CNPY2: variants seen among roughly 807,000 people sequenced by gnomAD.
The protein encoded by CNPY2 is canopy FGF signaling regulator 2, also known as protein canopy homolog 2.
CNPY2 carries 19 observed loss-of-function variants against 25.5 expected under a neutral mutation model. The observed-to-expected ratio is 0.74, with a 90% CI of 0.52 to 1.09. The LOEUF is 1.09. Ranked by LOEUF, CNPY2 falls within the 50% of genes least tolerant of loss-of-function variation. The probability of loss-of-function intolerance (pLI) is 0.00; values close to 1 mark genes in which losing one functional copy is unlikely to be tolerated. For missense variants in CNPY2, 214 were observed against 233.6 expected (o/e 0.92, Z 0.55); for synonymous variants, 82 against 85.0 (o/e 0.96, Z 0.19).
intron 3 of CNPY2, chr12:56,314,489 C>T (rs1873821828): frequency 3.5e-6 from 4 of 1,128,094 alleles, no homozygotes; most frequent in South Asian, 2.3e-5. Flanking sequence ...AGGATAAGAC[C>T]TTTTATTCTT....
chr12:56,314,493 T>C, intron 3 of CNPY2: 1 of 1,139,332 alleles, frequency 8.8e-7, no homozygotes, highest in African/African-American at 1.6e-5. Flanking sequence ...TAAGACCTTT[T>C]ATTCTTATTT....
At chr12:56,314,521 A>G in intron 3 of CNPY2, 1 of 1,162,438 alleles carries the variant, frequency 8.6e-7, no homozygotes, top group East Asian at 5.2e-5. Context: ...TTCATTTTTT[A>G]TTTTTAGCTC....
At position 56,310,465 on chromosome 12, in the gene CNPY2, A is replaced by T; in HGVS notation, c.*87T>A. ...GTTTCATATTTTTTCAGTTAATTTC[A>T]GTAAAAACATAATATATAAAAGGCA... On this transcript the variant is annotated 3_prime_UTR_variant, in exon 6 of 6. Transcript: ENST00000273308. The T allele has an allele frequency of 7.5e-7, 1 of 1,335,016 alleles. No homozygotes were observed. Among genetic ancestry groups the T allele is most frequent in the Non-Finnish European group, 1.1e-6 (1 of 933,640 alleles). The allele number at this position is 1,335,016 out of a possible 1,614,324, so 82.7% of individuals were successfully genotyped here. A position where few individuals can be genotyped will look rare whatever the true frequency, so the allele number is the denominator to read the frequency against.
In CNPY2 at chr12:56,311,347, T is replaced by A. The variant is rs1028399502; in HGVS notation, c.272A>T (p.Glu91Val). ...GGAAGGATCAATCTGTTCCCCATAC[T>A]CCTTCATCCGGTCACATATCTCCTC... Reference protein sequence around the residue: ...LLEEICDRMKEYGEQIDPSTH... With the variant: ...LLEEICDRMKVYGEQIDPSTH... Residue 91 changes from glutamate to valine, a missense_variant, in exon 4 of 6, where the codon GAG (glutamate) becomes GTG (valine). Glu to Val is a moderately radical substitution (Grantham distance 121). Coordinates refer to ENST00000273308, the MANE Select transcript of CNPY2 (RefSeq NM_014255.7). 3 of 1,614,048 alleles carry A rather than the reference T, an allele frequency of 1.9e-6. No individual in the cohort carries two copies. The African/African-American group carries it at 4.0e-5, about 22-fold the overall frequency.
At chr12:56,312,279 GAGTGC>G (rs1873744828) in intron 3 of CNPY2, 1 of 145,680 alleles carries the variant, frequency 6.9e-6, no homozygotes, top group Non-Finnish European at 1.5e-5. Context: ...GCCCAGGCTG[GAGTGC>G]AGTGGTGTGA....
chr12:56,314,708 A>T, intron 3 of CNPY2, 143 bp downstream of exon 3: 1 of 1,513,482 alleles, frequency 6.6e-7, no homozygotes, highest in Non-Finnish European at 8.8e-7. Flanking sequence ...ATAAGCCTGC[A>T]GCTTCTTCCA....
Position 56,315,224 on chromosome 12 carries a change from C to T in CNPY2, c.-7G>A. 1 of 1,611,890 alleles carries T rather than the reference C, an allele frequency of 6.2e-7. No homozygotes were observed. On this transcript the variant is annotated 5_prime_UTR_variant, in exon 2 of 6. Coordinates refer to ENST00000273308, the MANE Select transcript of CNPY2 (RefSeq NM_014255.7). ...GCCAACCCCAGCCTTTCATCTTTAG[C>T]GTAATGGGGTCGCTCCACCTGGGTT...
At chr12:56,315,292 TTCCCTGAC>T in intron 1 of CNPY2, 50 bp from the exon 2 acceptor site, 3 of 1,123,306 alleles carry the variant, frequency 2.7e-6, no homozygotes, top group Non-Finnish European at 3.9e-6. Context: ...GACTCCATTT[TTCCCTGAC>T]CCCCCCAATC....
Position 56,310,085 on chromosome 12 carries a change from G to C in CNPY2, c.*467C>G, listed in dbSNP as rs1461873037. On this transcript the variant is annotated 3_prime_UTR_variant, in exon 6 of 6. Coordinates refer to ENST00000273308, the MANE Select transcript of CNPY2 (RefSeq NM_014255.7). ...TATCCGTTATTTCCTTCAAGACCAA[G>C]CCCTGTCTTACTTTATGTTTCAACA... 2 of 669,610 alleles carry C rather than the reference G, an allele frequency of 3.0e-6. No individual in the cohort carries two copies. The highest frequency in any genetic ancestry group is 2.7e-5 in the East Asian group (1 of 37,160). The allele number at this position is 669,610 out of a possible 1,614,324, so 41.5% of individuals were successfully genotyped here.
rs1873678111 is a variant in CNPY2 at position 56,310,204 on chromosome 12, C to T, written c.*348G>A. On this transcript the variant is annotated 3_prime_UTR_variant, in exon 6 of 6. Coordinates refer to ENST00000273308, the MANE Select transcript of CNPY2 (RefSeq NM_014255.7). The stretch of plus-strand genomic sequence containing the variant: ...GGTTCCTCTATTCTCCACAATTAGA[C>T]TCTAAAGACGTGGTATTGAGTGGGC... 1 of 603,390 alleles carries T rather than the reference C, an allele frequency of 1.7e-6. No homozygotes were observed. Among genetic ancestry groups the T allele is most frequent in the Admixed American group, 3.0e-5 (1 of 33,638 alleles). 37.4% of individuals were successfully genotyped at this position (603,390 alleles called of 1,614,324 possible).
At position 56,313,768 on chromosome 12, in the gene CNPY2, G is replaced by A. The variant is rs533573580; in HGVS notation, c.204+1083C>T. 2.2e-3 allele frequency among the ~76,000 whole-genome samples: 339 copies of A among 151,346 alleles called. 2 individuals carry two copies. The highest frequency in any genetic ancestry group is 3.8e-3 in the Admixed American group (58 of 15,192). ...ACTACAGGCACCCACCACCACGCCC[G>A]GCTAATTTTTTGTATTTTTAGTAGA... On this transcript the variant is annotated intron_variant, in intron 3 of 5. Coordinates refer to ENST00000273308, the MANE Select transcript of CNPY2 (RefSeq NM_014255.7).
In CNPY2 at chr12:56,310,064, C is replaced by G. The variant is rs774247598; in HGVS notation, c.*488G>C. On this transcript the variant is annotated 3_prime_UTR_variant, in exon 6 of 6. Coordinates refer to ENST00000273308, the MANE Select transcript of CNPY2 (RefSeq NM_014255.7). Reference sequence around the variant, plus strand: ...CAGGGAAGGAAGAATAATGCATATCCGTTATTTCCTTCAAGACCAAGCCCT... The same window carrying G: ...CAGGGAAGGAAGAATAATGCATATCGGTTATTTCCTTCAAGACCAAGCCCT... 1 of 688,490 alleles carries G rather than the reference C, an allele frequency of 1.5e-6. No homozygotes were observed. Among genetic ancestry groups the G allele is most frequent in the South Asian group, 1.5e-5 (1 of 65,044 alleles). The allele number at this position is 688,490 out of a possible 1,614,324, so 42.6% of individuals were successfully genotyped here.
upstream of CNPY2, chr12:56,316,129 C>CAAGGACCCCGGTCAATCGCCG (rs911542950): frequency 2.6e-5 from 4 of 152,740 alleles, no homozygotes; most frequent in African/African-American, 9.6e-5. Context: ...TCCCGAACAG[C>CAAGGACCCCGGTCAATCGCCG]AAGGACCCCG....
Position 56,314,748 on chromosome 12 carries a change from G to A in CNPY2, c.204+103C>T, listed in dbSNP as rs534073722. 7 of 1,574,694 alleles carry A rather than the reference G, an allele frequency of 4.4e-6. No individual in the cohort carries two copies. In the East Asian group the frequency reaches 1.6e-4, roughly 36 times the overall value. On this transcript the variant is annotated intron_variant, in intron 3 of 5. Transcript: ENST00000273308. ...AGACAGAGCCAAATCTTTTTTCTGAGTCTGTTTTCTTCATTTCTATTAAAC... is the reference window on the plus strand; with the variant it reads ...AGACAGAGCCAAATCTTTTTTCTGAATCTGTTTTCTTCATTTCTATTAAAC...
rs578111963 is a variant in CNPY2, at chr12:56,310,651, G to T, written c.506-56C>A. 1.9e-6 allele frequency: 3 copies of T among 1,590,982 alleles called. No homozygotes were observed. The East Asian group carries it at 6.7e-5, about 36-fold the overall frequency. On this transcript the variant is annotated intron_variant, in intron 5 of 5. Coordinates refer to ENST00000273308, the MANE Select transcript of CNPY2 (RefSeq NM_014255.7). The stretch of plus-strand genomic sequence containing the variant: ...GCCATTCTCATACTGATATCTGCCA[G>T]TATCAAGAAAATTTCCCAGACCAAG...
intron 3 of CNPY2, 59 bp downstream of exon 3, chr12:56,314,792 G>A (rs59295315): frequency 0.058 from 93,483 of 1,613,542 alleles, 3,116 homozygotes; most frequent in Non-Finnish European, 0.066. Flanking sequence ...TTTTTAAGCA[G>A]TCGAATTTCA....
In CNPY2 at chr12:56,310,059, A is replaced by G. The variant is rs1473310308; in HGVS notation, c.*493T>C. ...ATGGGCAGGGAAGGAAGAATAATGC[A>G]TATCCGTTATTTCCTTCAAGACCAA... is the stretch of plus-strand genomic sequence containing the variant. On this transcript the variant is annotated 3_prime_UTR_variant, in exon 6 of 6. Transcript: ENST00000273308. 1.4e-6 allele frequency: 1 copy of G among 692,526 alleles called. No individual in the cohort carries two copies. Among genetic ancestry groups the G allele is most frequent in the African/African-American group, 1.8e-5 (1 of 56,892 alleles). 42.9% of individuals were successfully genotyped at this position (692,526 alleles called of 1,614,324 possible). A position where few individuals can be genotyped will look rare whatever the true frequency, so the allele number is the denominator to read the frequency against.
rs1428477970 is a variant in CNPY2 at position 56,310,342 on chromosome 12, T to C, written c.*210A>G. ...CTGTATCAATCCCAAAACTCTTCTT[T>C]CTCCTCCATTATCTTTCCTGTCTAT... On this transcript the variant is annotated 3_prime_UTR_variant, in exon 6 of 6. Coordinates refer to ENST00000273308, the MANE Select transcript of CNPY2 (RefSeq NM_014255.7). The C allele has an allele frequency of 6.6e-6, 4 of 608,350 alleles. No individual in the cohort carries two copies. In the African/African-American group the frequency reaches 7.4e-5, roughly 11 times the overall value. 37.7% of individuals were successfully genotyped at this position (608,350 alleles called of 1,614,324 possible).
At chr12:56,315,317 C>T (rs911624285) in intron 1 of CNPY2, 75 bp from the exon 2 acceptor site, 6 of 828,624 alleles carry the variant, frequency 7.2e-6, no homozygotes, top group Non-Finnish European at 1.1e-5. Context: ...AATCCTCACC[C>T]CAAGGCTTTC....
Sources: allele counts gnomAD v4.1 joint callset (sites outside exome capture counted in the v4.1 genomes callset), GRCh38; gene constraint gnomAD v4.1.1; transcripts MANE v1.5; gene names NCBI Gene and HGNC (gene_info 2026-07-23, HGNC 2026-07-21).